BRINP1: variants seen among roughly 807,000 people sequenced by gnomAD.
The protein encoded by BRINP1 is BMP/retinoic acid-inducible neural-specific protein 1.
BRINP1 carries 17 observed loss-of-function variants against 72.9 expected under a neutral mutation model. The observed-to-expected ratio is 0.23, with a 90% CI of 0.16 to 0.35. The LOEUF (loss-of-function observed/expected upper bound fraction) is 0.35. Ranked by LOEUF, BRINP1 falls within the 10% of genes least tolerant of loss-of-function variation. The pLI, the probability that BRINP1 is intolerant of heterozygous loss-of-function variation, is 1.00. For synonymous variants in BRINP1, 418 were observed against 378.5 expected (o/e 1.10, Z -1.21); for missense variants, 850 against 1,001.6 (o/e 0.85, Z 2.04).
intron 1 of BRINP1, among the ~76,000 whole-genome samples, chr9:119,318,210 T>C (rs1487945818): frequency 6.6e-6 from 1 of 152,206 alleles, no homozygotes; most frequent in Non-Finnish European, 1.5e-5. Flanking sequence ...ATGTCTTCCA[T>C]GTGAAAATGT....
intron 1 of BRINP1, among the ~76,000 whole-genome samples, chr9:119,346,066 G>C (rs1350164505): frequency 6.6e-6 from 1 of 151,992 alleles, no homozygotes; most frequent in Non-Finnish European, 1.5e-5. Flanking sequence ...TTGACGGTAG[G>C]ATTTATATCA....
intron 1 of BRINP1, among the ~76,000 whole-genome samples, chr9:119,320,456 C>T (rs1340890015): frequency 1.3e-5 from 2 of 152,070 alleles, no homozygotes; most frequent in African/African-American, 2.4e-5. Flanking sequence ...CAGCCAGGGC[C>T]CTCAAAGAGC....
intron 7 of BRINP1, among the ~76,000 whole-genome samples, chr9:119,185,464 A>T (rs759807843): frequency 4.3e-4 from 65 of 152,210 alleles, no homozygotes; most frequent in Non-Finnish European, 7.9e-4. Flanking sequence ...CCTTTGTACT[A>T]AAATTATCAC....
chr9:119,367,202 T>TGTGTGTG (rs1464609157), intron 1 of BRINP1, among the ~76,000 whole-genome samples: 4 of 68,818 alleles, frequency 5.8e-5, no homozygotes, highest in African/African-American at 1.8e-4. Context: ...CATGTGTGTG[T>TGTGTGTG]GTGTGTGTGT....
At chr9:119,326,548 T>G (rs891346204) in intron 1 of BRINP1, among the ~76,000 whole-genome samples, 1 of 152,214 alleles carries the variant, frequency 6.6e-6, no homozygotes, top group African/African-American at 2.4e-5. Context: ...TTTTAAATAT[T>G]TCATTTGGAC....
At position 119,167,730 on chromosome 9, in the gene BRINP1, C is replaced by A. The variant is rs766431216; in HGVS notation, c.1640G>T (p.Arg547Leu). 2 of 1,614,046 alleles carry A rather than the reference C, an allele frequency of 1.2e-6. No homozygotes were observed. Among genetic ancestry groups the A allele is most frequent in the East Asian group, 2.2e-5 (1 of 44,856 alleles). ...FIHMVIGMSM[R>L]ICQMRNSSLD... ...GCTGCTGTTGCGCATCTGGCAGATG[C>A]GCATGGACATGCCGATCACCATGTG... The change falls in exon 8 of 8, where the codon CGC becomes CTC. Residue 547 changes from arginine (R) to leucine (L), a missense_variant. Physicochemically the swap from Arg to Leu is moderately radical, Grantham distance 102. Coordinates refer to ENST00000265922, the MANE Select transcript of BRINP1 (RefSeq NM_014618.3). The surrounding 1 kb of genome is among the most constrained non-coding windows in gnomAD (Gnocchi z 4.3).
At chr9:119,307,630 G>A (rs563956576) in intron 2 of BRINP1, among the ~76,000 whole-genome samples, 71 of 152,264 alleles carry the variant, frequency 4.7e-4, no homozygotes, top group African/African-American at 1.6e-3. Context: ...TACTCAAAAC[G>A]AAGAGGTATC....
chr9:119,303,453 G>T (rs1201592190), intron 2 of BRINP1, among the ~76,000 whole-genome samples: 1 of 152,138 alleles, frequency 6.6e-6, no homozygotes, highest in African/African-American at 2.4e-5. Context: ...GGAACTAGAA[G>T]ACGAGATGTC....
intron 7 of BRINP1, among the ~76,000 whole-genome samples, chr9:119,207,498 C>T (rs1340836343): frequency 6.6e-6 from 1 of 152,178 alleles, no homozygotes; most frequent in African/African-American, 2.4e-5. Context: ...GCCTGAGCAC[C>T]AGCAACTTTT....
intron 7 of BRINP1, among the ~76,000 whole-genome samples, chr9:119,192,658 T>A (rs912540931): frequency 6.6e-6 from 1 of 152,076 alleles, no homozygotes; most frequent in Non-Finnish European, 1.5e-5. Context: ...GGAATGTAGA[T>A]TGGTACAGCC....
intron 5 of BRINP1, 34 bp downstream of exon 5, chr9:119,238,621 C>T (rs779344687): frequency 7.2e-7 from 1 of 1,384,038 alleles, no homozygotes; most frequent in Admixed American, 1.8e-5. Context: ...GATGTTTCCC[C>T]CAACTGACCC....
intron 1 of BRINP1, among the ~76,000 whole-genome samples, chr9:119,341,892 T>G (rs1475689496): frequency 6.6e-6 from 1 of 152,124 alleles, no homozygotes; most frequent in Admixed American, 6.5e-5. Flanking sequence ...GCCTCCCAAG[T>G]AGCTGGGACT....
rs1369270605 is a variant in BRINP1, at chr9:119,326,736, TA to T, written c.-50-13332del. Among the ~76,000 whole-genome samples, 4 of 152,318 alleles carry T rather than the reference TA, an allele frequency of 2.6e-5. No individual in the cohort carries two copies. The East Asian group carries it at 7.7e-4, about 29-fold the overall frequency. On this transcript the variant is annotated intron_variant, in intron 1 of 7. Transcript: ENST00000265922. Reference sequence around the variant, plus strand: ...ATAGATATTTCTTGATCCTCTATTTTAATTGGCTCTCACAGTCCAGAATGCG... The same window carrying T: ...ATAGATATTTCTTGATCCTCTATTTTATTGGCTCTCACAGTCCAGAATGCG...
At chr9:119,266,106 T>C (rs544301702) in intron 2 of BRINP1, among the ~76,000 whole-genome samples, 3 of 152,142 alleles carry the variant, frequency 2.0e-5, no homozygotes, top group East Asian at 1.9e-4. Flanking sequence ...GTAAGTCTCA[T>C]GGAAAAAATA....
intron 7 of BRINP1, among the ~76,000 whole-genome samples, chr9:119,194,612 T>G (rs1829715760): frequency 6.6e-6 from 1 of 152,236 alleles, no homozygotes; most frequent in Non-Finnish European, 1.5e-5. Context: ...TGCATCTTTA[T>G]TCTTTTGAAG....
At chr9:119,354,238 A>G (rs1361308397) in intron 1 of BRINP1, among the ~76,000 whole-genome samples, 1 of 152,206 alleles carries the variant, frequency 6.6e-6, no homozygotes, top group African/African-American at 2.4e-5. Flanking sequence ...GAATATTAGT[A>G]AAAATTAAAT....
intron 1 of BRINP1, among the ~76,000 whole-genome samples, chr9:119,367,417 C>G (rs910638053): frequency 1.3e-5 from 2 of 151,806 alleles, no homozygotes; most frequent in Non-Finnish European, 2.9e-5. Context: ...CTGCCGCTTA[C>G]CTTGAGAAAG....
chr9:119,354,012 G>C (rs1831533044), intron 1 of BRINP1, among the ~76,000 whole-genome samples: 1 of 151,658 alleles, frequency 6.6e-6, no homozygotes, highest in Non-Finnish European at 1.5e-5. Context: ...ATGAGGGAGA[G>C]AGAAAGAGGT....
At chr9:119,235,754 G>C (rs1490252422) in intron 5 of BRINP1, among the ~76,000 whole-genome samples, 2 of 152,082 alleles carry the variant, frequency 1.3e-5, no homozygotes, top group Admixed American at 6.6e-5. Context: ...TTGGCATGTA[G>C]TTAGTCTCAA....
Sources: allele counts gnomAD v4.1 joint callset (sites outside exome capture counted in the v4.1 genomes callset), GRCh38; gene constraint gnomAD v4.1.1; non-coding constraint Gnocchi (gnomAD v3.1); transcripts MANE v1.5; gene names NCBI Gene and HGNC (gene_info 2026-07-23, HGNC 2026-07-21).